TAFA2: variants seen among roughly 807,000 people sequenced by gnomAD.
TAFA2 encodes TAFA chemokine like family member 2.
In TAFA2, 7 loss-of-function variants were observed where a neutral mutation model predicts 18.8. The ratio of observed to expected loss-of-function variants is 0.37; its 90% CI spans 0.21 to 0.70. The LOEUF is 0.70. TAFA2 is among the 30% of genes least tolerant of loss of function. The pLI, the probability that TAFA2 is intolerant of heterozygous loss-of-function variation, is 0.53. For missense variants in TAFA2, 122 were observed against 158.1 expected (o/e 0.77, Z 1.23); for synonymous variants, 60 against 54.2 (o/e 1.11, Z -0.47).
chr12:61,738,963 A>G (rs753249201), intron 4 of TAFA2, among the ~76,000 whole-genome samples: 1 of 152,110 alleles, frequency 6.6e-6, no homozygotes, highest in Non-Finnish European at 1.5e-5. Flanking sequence ...CCATTTTATT[A>G]GCCTATTAAC....
intron 1 of TAFA2, among the ~76,000 whole-genome samples, chr12:62,237,227 G>A (rs372729356): frequency 1.0e-3 from 156 of 151,966 alleles, no homozygotes; most frequent in African/African-American, 3.4e-3. Context: ...CATTCTGTTC[G>A]CCGGGCGCGG....
At chr12:61,715,594 C>T (rs1395032986) in intron 4 of TAFA2, among the ~76,000 whole-genome samples, 4 of 151,734 alleles carry the variant, frequency 2.6e-5, no homozygotes, top group African/African-American at 9.7e-5. Flanking sequence ...CCTCGTTATC[C>T]GCCCACCTCG....
intron 1 of TAFA2, among the ~76,000 whole-genome samples, chr12:61,899,422 T>G (rs1875999181): frequency 6.6e-6 from 1 of 152,192 alleles, no homozygotes; most frequent in Non-Finnish European, 1.5e-5. Flanking sequence ...TAGTTCCACA[T>G]GGCTGAGGAG....
At chr12:62,148,884 T>C (rs1246129735) in intron 1 of TAFA2, among the ~76,000 whole-genome samples, 4 of 152,228 alleles carry the variant, frequency 2.6e-5, no homozygotes, top group Admixed American at 2.0e-4. Context: ...TTAATGTATA[T>C]GCAGGTCTCC....
At chr12:62,186,480 G>A (rs376123242) in intron 1 of TAFA2, among the ~76,000 whole-genome samples, 6 of 152,104 alleles carry the variant, frequency 3.9e-5, no homozygotes, top group Non-Finnish European at 7.4e-5. Flanking sequence ...GCCTATCACC[G>A]TAATTGCTAG....
chr12:61,918,682 T>C (rs1876926916), intron 1 of TAFA2, among the ~76,000 whole-genome samples: 1 of 152,190 alleles, frequency 6.6e-6, no homozygotes, highest in African/African-American at 2.4e-5. Context: ...AGGAATGGGA[T>C]TGCTGGATCA....
At chr12:62,088,750 T>C (rs1868573001) in intron 1 of TAFA2, among the ~76,000 whole-genome samples, 1 of 151,986 alleles carries the variant, frequency 6.6e-6, no homozygotes, top group Admixed American at 6.6e-5. Flanking sequence ...AAGAAACATA[T>C]TTTTCTATCT....
At chr12:62,094,543 A>G (rs1228018774) in intron 1 of TAFA2, among the ~76,000 whole-genome samples, 3 of 152,112 alleles carry the variant, frequency 2.0e-5, no homozygotes, top group Admixed American at 6.6e-5. Flanking sequence ...TTTACCTTTT[A>G]AAATTTTAAA....
intron 1 of TAFA2, among the ~76,000 whole-genome samples, chr12:62,241,098 A>C (rs2062861008): frequency 6.6e-6 from 1 of 152,300 alleles, no homozygotes. Context: ...TCCTTGAGGA[A>C]GTATGTCTGA....
chr12:62,024,448 A>C (rs141125595), intron 1 of TAFA2, among the ~76,000 whole-genome samples: 107 of 152,260 alleles, frequency 7.0e-4, no homozygotes, highest in African/African-American at 2.5e-3. Context: ...TTTGCTTTGC[A>C]GCTAGACAAA....
At chr12:62,234,938 C>G in intron 1 of TAFA2, 2 of 778,680 alleles carry the variant, frequency 2.6e-6, no homozygotes, top group Non-Finnish European at 4.5e-6. Context: ...GGGGCATAGC[C>G]TGGGCCTCAG....
chr12:62,234,358 T>C (rs2062825794), intron 1 of TAFA2: 1 of 592,388 alleles, frequency 1.7e-6, no homozygotes, highest in Non-Finnish European at 3.2e-6. Context: ...TCCAGTGTTC[T>C]CTGCCTAGAA....
rs547819799 is a variant in TAFA2 at position 61,940,169 on chromosome 12, AATAG to A, written c.-1-72747_-1-72744del. ...GATAGATAATAAACAGACTAAGTCA[AATAG>A]ATAGTGGCAGTGCCAGCTTCATAGA... On this transcript the variant is annotated intron_variant, in intron 1 of 4. Coordinates refer to ENST00000416284, the MANE Select transcript of TAFA2 (RefSeq NM_178539.5). Among the ~76,000 whole-genome samples the A allele has an allele frequency of 2.3e-3, 344 of 152,348 alleles. 2 individuals carry two copies. The highest frequency in any genetic ancestry group is 7.9e-3 in the African/African-American group (327 of 41,590).
chr12:61,723,646 T>G (rs1870008051), intron 4 of TAFA2, among the ~76,000 whole-genome samples: 1 of 152,098 alleles, frequency 6.6e-6, no homozygotes, highest in Non-Finnish European at 1.5e-5. Flanking sequence ...TTATTCTCAC[T>G]TGGAAAAGGT....
intron 1 of TAFA2, among the ~76,000 whole-genome samples, chr12:62,029,360 T>C (rs1314700976): frequency 6.6e-6 from 1 of 152,120 alleles, no homozygotes; most frequent in Middle Eastern, 3.2e-3. Flanking sequence ...ATTATGCTTG[T>C]TAGGGAGGTG....
chr12:62,142,927 T>A (rs1565758621), intron 1 of TAFA2, among the ~76,000 whole-genome samples: 1 of 152,214 alleles, frequency 6.6e-6, no homozygotes. Flanking sequence ...TAAGTACTAC[T>A]ATTGTTTTCA....
chr12:62,095,271 A>T (rs1868900456), intron 1 of TAFA2, among the ~76,000 whole-genome samples: 1 of 152,136 alleles, frequency 6.6e-6, no homozygotes, highest in African/African-American at 2.4e-5. Context: ...CAAGTGAAAG[A>T]AGGGATATAA....
rs146853629 is a variant in TAFA2 at position 61,793,692 on chromosome 12, T to C, written c.107-38668A>G. ...TAAGGAAGAAATTATACCAATTCTA[T>C]GAAAACCCTTTCAAAAAACTGAAGA... is the stretch of plus-strand genomic sequence containing the variant. On this transcript the variant is annotated intron_variant, in intron 2 of 4. Transcript: ENST00000416284. Among the ~76,000 whole-genome samples, 361 of 151,936 alleles carry C rather than the reference T, an allele frequency of 2.4e-3. 2 individuals are homozygous for C. Among genetic ancestry groups the C allele is most frequent in the African/African-American group, 8.1e-3 (336 of 41,538 alleles).
At chr12:61,767,474 T>G (rs552982920) in intron 2 of TAFA2, among the ~76,000 whole-genome samples, 1 of 152,102 alleles carries the variant, frequency 6.6e-6, no homozygotes, top group South Asian at 2.1e-4. Context: ...CCCTTCTGTA[T>G]GCTAAGAGGT....
Sources: gnomAD v4.1 joint callset for allele counts (sites outside exome capture counted in the v4.1 genomes callset) on GRCh38, gnomAD v4.1.1 for gene constraint, MANE v1.5 for transcripts, NCBI Gene and HGNC (gene_info 2026-07-23, HGNC 2026-07-21) for gene names.